CCDC30: variants seen among roughly 807,000 people sequenced by gnomAD.
CCDC30 encodes the protein coiled-coil domain-containing protein 30.
A neutral mutation model predicts 100.2 loss-of-function variants in CCDC30; 70 were observed. The observed-to-expected ratio is 0.70, with a 90% CI of 0.58 to 0.85. CCDC30 has a LOEUF of 0.85. Ranked by LOEUF, CCDC30 falls within the 40% of genes least tolerant of loss-of-function variation. CCDC30 has a pLI of 0.00. For missense variants in CCDC30, 652 were observed against 771.2 expected (o/e 0.85, Z 1.83); for synonymous variants, 233 against 269.5 (o/e 0.86, Z 1.33).
intron 6 of CCDC30, among the ~76,000 whole-genome samples, chr1:42,533,642 C>A (rs1165733973): frequency 6.6e-6 from 1 of 152,202 alleles, no homozygotes; most frequent in Non-Finnish European, 1.5e-5. Context: ...CAGCACTGAG[C>A]ACATAAACCG....
intron 10 of CCDC30, among the ~76,000 whole-genome samples, chr1:42,610,146 T>C (rs1257506499): frequency 3.9e-5 from 6 of 152,242 alleles, no homozygotes; most frequent in African/African-American, 1.4e-4. Context: ...AATTCCATTA[T>C]AACATTTTTT....
chr1:42,649,336 A>G (rs900189824), intron 15 of CCDC30, among the ~76,000 whole-genome samples: 1 of 152,234 alleles, frequency 6.6e-6, no homozygotes, highest in Non-Finnish European at 1.5e-5. Flanking sequence ...CATTAATAGA[A>G]TGAAGGACAA....
Position 42,543,218 on chromosome 1 carries a change from C to T in CCDC30, c.457-23078C>T, listed in dbSNP as rs547115394. On this transcript the variant is annotated intron_variant, in intron 6 of 16. Transcript: ENST00000668663. ...TTGAACTCCTGACCTCATGATCTGC[C>T]CACCTCAGCCTCCCAAAGTGCTGGG... is the stretch of plus-strand genomic sequence containing the variant. Among the ~76,000 whole-genome samples the T allele has an allele frequency of 1.4e-4, 21 of 148,992 alleles. 1 individual carries two copies. In the South Asian group the frequency reaches 4.5e-3, roughly 32 times the overall value.
chr1:42,641,923 G>GA (rs1206022718), intron 12 of CCDC30, among the ~76,000 whole-genome samples: 6 of 150,942 alleles, frequency 4.0e-5, no homozygotes, highest in East Asian at 2.0e-4. Flanking sequence ...TGAAAAAGAA[G>GA]AAAAAAAAAT....
chr1:42,642,990 G>A (rs1003750569), intron 13 of CCDC30, among the ~76,000 whole-genome samples: 1 of 152,070 alleles, frequency 6.6e-6, no homozygotes, highest in African/African-American at 2.4e-5. Context: ...AAATCCACAG[G>A]ATATCAGTGT....
upstream of CCDC30, among the ~76,000 whole-genome samples, chr1:42,458,441 G>A (rs1393604757): frequency 2.6e-5 from 4 of 152,176 alleles, no homozygotes; most frequent in Admixed American, 1.3e-4. Flanking sequence ...GGCATTTGCC[G>A]ACTTTGTAGA....
chr1:42,471,107 A>G (rs1643756399), intron 1 of CCDC30, among the ~76,000 whole-genome samples: 1 of 152,180 alleles, frequency 6.6e-6, no homozygotes, highest in Non-Finnish European at 1.5e-5. Context: ...GGGCAGCTAA[A>G]TAAAATGTGC....
intron 10 of CCDC30, among the ~76,000 whole-genome samples, chr1:42,602,724 T>G (rs570786502): frequency 6.6e-6 from 1 of 152,188 alleles, no homozygotes; most frequent in Admixed American, 6.5e-5. Flanking sequence ...TAAGAATAGA[T>G]TATATCAATT....
chr1:42,620,230 G>T (rs1646804702), intron 11 of CCDC30, among the ~76,000 whole-genome samples: 1 of 152,126 alleles, frequency 6.6e-6, no homozygotes, highest in African/African-American at 2.4e-5. Context: ...CAGATGCTGA[G>T]GTCTACTTGA....
At chr1:42,536,382 A>T in intron 6 of CCDC30, 94 bp from the exon 7 acceptor site, 2 of 751,152 alleles carry the variant, frequency 2.7e-6, no homozygotes, top group Non-Finnish European at 4.1e-6. Flanking sequence ...CCCCTGGATG[A>T]TTTCATTATT....
At chr1:42,586,320 T>C (rs562728033) in intron 9 of CCDC30, among the ~76,000 whole-genome samples, 1 of 152,230 alleles carries the variant, frequency 6.6e-6, no homozygotes, top group African/African-American at 2.4e-5. Flanking sequence ...TGTTCGTTTG[T>C]TTAGAGTCAG....
intron 7 of CCDC30, among the ~76,000 whole-genome samples, chr1:42,572,585 TTCTACATTAACA>T (rs1645754725): frequency 6.6e-6 from 1 of 152,200 alleles, no homozygotes; most frequent in Non-Finnish European, 1.5e-5. Context: ...CATAAAGCTA[TTCTACATTAACA>T]TTTATTTATG....
intron 5 of CCDC30, among the ~76,000 whole-genome samples, chr1:42,497,824 T>C (rs558678432): frequency 3.9e-4 from 60 of 152,304 alleles, no homozygotes; most frequent in African/African-American, 1.3e-3. Context: ...CCCTTTTGCA[T>C]TGCTGGTGAG....
chr1:42,641,640 G>A (rs934151515), intron 12 of CCDC30, among the ~76,000 whole-genome samples: 2 of 152,158 alleles, frequency 1.3e-5, no homozygotes, highest in African/African-American at 4.8e-5. Flanking sequence ...GCCTAGGCGG[G>A]CAGATCACTT....
chr1:42,555,815 G>T (rs1645356495), intron 6 of CCDC30, among the ~76,000 whole-genome samples: 1 of 152,028 alleles, frequency 6.6e-6, no homozygotes, highest in South Asian at 2.1e-4. Flanking sequence ...GCCTCCTGAT[G>T]AGTAGCTGGG....
chr1:42,652,243 C>A (rs1331435323), intron 15 of CCDC30, among the ~76,000 whole-genome samples: 1 of 152,066 alleles, frequency 6.6e-6, no homozygotes, highest in Non-Finnish European at 1.5e-5. Flanking sequence ...CATCTTCTCA[C>A]TTAAATGTGG....
At chr1:42,577,577 G>GT (rs981005632) in intron 8 of CCDC30, among the ~76,000 whole-genome samples, 6 of 151,994 alleles carry the variant, frequency 3.9e-5, no homozygotes, top group African/African-American at 1.4e-4. Context: ...TTTTAATTTT[G>GT]TTTTTTTCAT....
At position 42,648,416 on chromosome 1, in the gene CCDC30, A is replaced by C. The variant is rs908558374; in HGVS notation, c.1854+2099A>C. ...CCGGGCGCAGTGGCTCACACCTATAATCCCAGCACTTTGGGAGGCCAAGGC... is the reference window on the plus strand; with the variant it reads ...CCGGGCGCAGTGGCTCACACCTATACTCCCAGCACTTTGGGAGGCCAAGGC... On this transcript the variant is annotated intron_variant, in intron 15 of 16. Coordinates refer to ENST00000668663, the Ensembl canonical transcript of CCDC30. Among the ~76,000 whole-genome samples, 8 of 152,246 alleles carry C rather than the reference A, an allele frequency of 5.3e-5. No homozygotes were observed. The East Asian group carries it at 1.5e-3, about 29-fold the overall frequency.
chr1:42,655,867 CTTTTTT>C (rs766715541), downstream of CCDC30, among the ~76,000 whole-genome samples: 440 of 87,290 alleles, frequency 5.0e-3, 2 homozygotes, highest in African/African-American at 0.018. Context: ...GCTGTTTTTA[CTTTTTT>C]TTTTTTTTTT....
Sources: gnomAD v4.1 joint callset for allele counts (sites outside exome capture counted in the v4.1 genomes callset) on GRCh38, gnomAD v4.1.1 for gene constraint, MANE v1.5 for transcripts, NCBI Gene and HGNC (gene_info 2026-07-23, HGNC 2026-07-21) for gene names.